Variants in DCC observed in about 807,000 individuals in gnomAD.
DCC encodes the protein DCC netrin 1 receptor.
A neutral mutation model predicts 172.5 loss-of-function variants in DCC; 58 were observed. That is an observed-to-expected ratio of 0.34 (90% CI 0.27 to 0.42). The LOEUF is 0.42. DCC is among the 10% of genes least tolerant of loss of function. The probability of loss-of-function intolerance (pLI) is 1.00; values close to 1 mark genes in which losing one functional copy is unlikely to be tolerated. For synonymous variants in DCC, 709 were observed against 644.5 expected (o/e 1.10, Z -1.52); for missense variants, 1,740 against 1,791.0 (o/e 0.97, Z 0.51).
chr18:53,373,400 A>C (rs535183381), intron 15 of DCC, among the ~76,000 whole-genome samples: 32 of 152,234 alleles, frequency 2.1e-4, no homozygotes, highest in East Asian at 7.7e-4. Context: ...TACTCCCCCG[A>C]AATAATCCAA....
intron 12 of DCC, among the ~76,000 whole-genome samples, chr18:53,222,004 T>C (rs1315843443): frequency 6.6e-6 from 1 of 152,174 alleles, no homozygotes; most frequent in Admixed American, 6.5e-5. Flanking sequence ...AAAGACATAA[T>C]TTTGTCTCAT....
intron 1 of DCC, among the ~76,000 whole-genome samples, chr18:52,489,525 A>C (rs1015810985): frequency 6.6e-6 from 1 of 152,146 alleles, no homozygotes; most frequent in African/African-American, 2.4e-5. Flanking sequence ...CTTTCTGTTG[A>C]ATTAGAAAGA....
At chr18:52,777,067 T>C (rs2037447790) in intron 2 of DCC, among the ~76,000 whole-genome samples, 2 of 152,186 alleles carry the variant, frequency 1.3e-5, no homozygotes, top group South Asian at 4.1e-4. Context: ...TTATTTTTAC[T>C]TTTTAAAAAA....
chr18:52,893,908 A>T (rs1753442027), intron 2 of DCC, among the ~76,000 whole-genome samples: 3 of 53,164 alleles, frequency 5.6e-5, no homozygotes, highest in Admixed American at 2.9e-4. Context: ...AATACAATTT[A>T]AAAAAAACAG....
intron 2 of DCC, among the ~76,000 whole-genome samples, chr18:52,870,163 G>A (rs73456896): frequency 0.052 from 7,887 of 152,244 alleles, 269 homozygotes; most frequent in South Asian, 0.14. Context: ...CTGCGGCCCA[G>A]ATCTGCCTCC....
chr18:52,911,959 T>G (rs572458945), intron 3 of DCC, among the ~76,000 whole-genome samples: 1 of 152,112 alleles, frequency 6.6e-6, no homozygotes, highest in African/African-American at 2.4e-5. Flanking sequence ...TTTCTAGATA[T>G]ATCAGATTTA....
chr18:52,648,063 A>C (rs2035053172), intron 1 of DCC, among the ~76,000 whole-genome samples: 1 of 152,248 alleles, frequency 6.6e-6, no homozygotes, highest in Admixed American at 6.5e-5. Context: ...CAAAGGGAAG[A>C]GAAAAGCATT....
chr18:53,121,932 G>A (rs182533192), intron 7 of DCC, among the ~76,000 whole-genome samples: 1 of 151,882 alleles, frequency 6.6e-6, no homozygotes, highest in East Asian at 1.9e-4. Context: ...AGGGTTTGAG[G>A]ATCCACTCAG....
rs372321714 is a variant in DCC, at chr18:52,868,611, A to T, written c.413-37433A>T. On this transcript the variant is annotated intron_variant, in intron 2 of 28. Coordinates refer to ENST00000442544, the MANE Select transcript of DCC (RefSeq NM_005215.4). ...GAAGAAATTTAGTTTATAGTTAAAT[A>T]ATAGTGTTATGGGATCTTTGGGGTG... Among the ~76,000 whole-genome samples the T allele has an allele frequency of 1.2e-4, 18 of 152,334 alleles. No homozygotes were observed. In the East Asian group the frequency reaches 3.3e-3, roughly 28 times the overall value.
intron 7 of DCC, among the ~76,000 whole-genome samples, chr18:53,085,182 A>G (rs2042860469): frequency 6.6e-6 from 1 of 152,216 alleles, no homozygotes; most frequent in Non-Finnish European, 1.5e-5. Flanking sequence ...TCTGAAGGAC[A>G]AGAGATTGTG....
At chr18:53,415,464 C>G (rs2145065461) in intron 20 of DCC, among the ~76,000 whole-genome samples, 1 of 152,048 alleles carries the variant, frequency 6.6e-6, no homozygotes, top group African/African-American at 2.4e-5. Flanking sequence ...AGAGATTTAC[C>G]TCTTATTTAG....
chr18:52,952,735 C>T (rs1356866938), intron 5 of DCC, among the ~76,000 whole-genome samples: 2 of 151,930 alleles, frequency 1.3e-5, no homozygotes, highest in African/African-American at 2.4e-5. Flanking sequence ...CATGGTTGTT[C>T]GTGCCTATAA....
intron 1 of DCC, among the ~76,000 whole-genome samples, chr18:52,551,240 C>A (rs1447139229): frequency 3.3e-5 from 5 of 151,926 alleles, no homozygotes. Context: ...ATTGAAATGT[C>A]AGCCCTGTTG....
intron 27 of DCC, among the ~76,000 whole-genome samples, chr18:53,512,915 A>G (rs1181776832): frequency 6.6e-6 from 1 of 152,214 alleles, no homozygotes; most frequent in Non-Finnish European, 1.5e-5. Flanking sequence ...GAACTTCCCC[A>G]ATCTATCAAG....
intron 5 of DCC, among the ~76,000 whole-genome samples, chr18:53,015,215 C>CA (rs1304871533): frequency 5.3e-5 from 8 of 152,080 alleles, no homozygotes; most frequent in Admixed American, 1.3e-4. Flanking sequence ...TTAATTCATT[C>CA]AAAAATTATT....
At chr18:52,684,563 G>A (rs2035799432) in intron 1 of DCC, among the ~76,000 whole-genome samples, 1 of 152,036 alleles carries the variant, frequency 6.6e-6, no homozygotes. Context: ...GTTATGCCAA[G>A]ATCAGATTCA....
At chr18:52,814,286 G>T (rs140454739) in intron 2 of DCC, among the ~76,000 whole-genome samples, 88 of 152,274 alleles carry the variant, frequency 5.8e-4, no homozygotes, top group African/African-American at 2.0e-3. Context: ...GTGGGATAGG[G>T]CCTATACATA....
intron 1 of DCC, among the ~76,000 whole-genome samples, chr18:52,606,976 C>T (rs2034145520): frequency 6.6e-6 from 1 of 152,096 alleles, no homozygotes; most frequent in African/African-American, 2.4e-5. Context: ...GGGAAAAGAA[C>T]TTTGTATGAA....
At chr18:52,943,301 G>A (rs1480384282) in intron 5 of DCC, among the ~76,000 whole-genome samples, 3 of 152,054 alleles carry the variant, frequency 2.0e-5, no homozygotes, top group Non-Finnish European at 4.4e-5. Flanking sequence ...TTTCATGCCA[G>A]GTACATTTTC....
Sources: gnomAD v4.1 joint callset for allele counts (sites outside exome capture counted in the v4.1 genomes callset) on GRCh38, gnomAD v4.1.1 for gene constraint, MANE v1.5 for transcripts, NCBI Gene and HGNC (gene_info 2026-07-23, HGNC 2026-07-21) for gene names.